MAP7: variants seen among roughly 807,000 people sequenced by gnomAD.
MAP7 encodes microtubule associated protein 7.
A neutral mutation model predicts 94.8 loss-of-function variants in MAP7; 52 were observed. That is an observed-to-expected ratio of 0.55 (90% CI 0.44 to 0.69). The LOEUF (loss-of-function observed/expected upper bound fraction) is 0.69, where lower values mean the gene tolerates loss of function less well. MAP7 is among the 30% of genes least tolerant of loss of function. The pLI is 0.00. For missense variants in MAP7, 940 were observed against 964.6 expected (o/e 0.97, Z 0.34); for synonymous variants, 350 against 357.0 (o/e 0.98, Z 0.22).
chr6:136,397,812 CT>C (rs1484825489), intron 3 of MAP7, among the ~76,000 whole-genome samples: 2 of 152,100 alleles, frequency 1.3e-5, no homozygotes, highest in Non-Finnish European at 2.9e-5. Context: ...ATGAATACAA[CT>C]CATTCAGTAT....
chr6:136,506,039 G>C (rs1821410855), intron 1 of MAP7, among the ~76,000 whole-genome samples: 1 of 152,076 alleles, frequency 6.6e-6, no homozygotes, highest in South Asian at 2.1e-4. Context: ...TTTCTTTGTT[G>C]TTTGTCAAAT....
At chr6:136,490,367 G>A (rs542133181) in intron 1 of MAP7, among the ~76,000 whole-genome samples, 33 of 152,214 alleles carry the variant, frequency 2.2e-4, no homozygotes, top group African/African-American at 7.7e-4. Flanking sequence ...TATGCCAAAC[G>A]ATGTCATTAA....
At chr6:136,415,641 G>GTT (rs1789148298) in intron 2 of MAP7, among the ~76,000 whole-genome samples, 1 of 152,174 alleles carries the variant, frequency 6.6e-6, no homozygotes, top group African/African-American at 2.4e-5. Context: ...AGAAGTGCTA[G>GTT]TTTTTCTCTG....
rs1169375146 is a variant in MAP7, at chr6:136,397,355, C to G, written c.245-7838G>C. On this transcript the variant is annotated intron_variant, in intron 3 of 17. Coordinates refer to ENST00000354570, the MANE Select transcript of MAP7 (RefSeq NM_003980.6). ...ATAAGCTAGAAGGTGTAAAATCAAG[C>G]CTATTAGGTTTAAGAATTTCAGAAT... 2.0e-5 allele frequency among the ~76,000 whole-genome samples: 3 copies of G among 151,684 alleles called. No individual in the cohort carries two copies. In the East Asian group the frequency reaches 5.8e-4, roughly 29 times the overall value.
At chr6:136,364,496 A>T (rs564317032) in intron 10 of MAP7, 39 of 244,498 alleles carry the variant, frequency 1.6e-4, no homozygotes, top group African/African-American at 8.8e-4. Flanking sequence ...AAAAAGCTGA[A>T]CTCTTAAAAA....
At chr6:136,544,380 C>A (rs1416296009) in intron 1 of MAP7, among the ~76,000 whole-genome samples, 1 of 152,202 alleles carries the variant, frequency 6.6e-6, no homozygotes, top group Non-Finnish European at 1.5e-5. Context: ...TCTGATGTAG[C>A]CCCAACTCTT....
At chr6:136,515,406 G>A (rs1422348701) in intron 1 of MAP7, among the ~76,000 whole-genome samples, 1 of 152,148 alleles carries the variant, frequency 6.6e-6, no homozygotes, top group South Asian at 2.1e-4. Context: ...CTTTTCCTCT[G>A]CATTCACATC....
chr6:136,482,272 A>G (rs1411450330), intron 1 of MAP7, among the ~76,000 whole-genome samples: 1 of 152,202 alleles, frequency 6.6e-6, no homozygotes, highest in Admixed American at 6.5e-5. Context: ...ATTATTGGGT[A>G]TATATCCAAA....
chr6:136,423,749 A>G (rs567271126), intron 1 of MAP7, among the ~76,000 whole-genome samples: 1 of 148,700 alleles, frequency 6.7e-6, no homozygotes, highest in African/African-American at 2.5e-5. Context: ...ACAAAACCTC[A>G]GTAACAATGG....
chr6:136,354,389 T>C (rs1263592355), intron 16 of MAP7, among the ~76,000 whole-genome samples: 1 of 142,016 alleles, frequency 7.0e-6, no homozygotes, highest in Non-Finnish European at 1.5e-5. Flanking sequence ...ATATATATAG[T>C]AGATATATAT....
intron 1 of MAP7, among the ~76,000 whole-genome samples, chr6:136,536,544 T>G (rs1481521102): frequency 2.0e-5 from 3 of 152,186 alleles, no homozygotes; most frequent in African/African-American, 4.8e-5. Flanking sequence ...TCCAGACACA[T>G]GCAATGTTGT....
intron 3 of MAP7, among the ~76,000 whole-genome samples, chr6:136,409,314 G>A (rs903507237): frequency 5.3e-5 from 8 of 152,062 alleles, no homozygotes; most frequent in African/African-American, 1.4e-4. Flanking sequence ...CAAGGAGGTC[G>A]AGGCTGTAGC....
intron 1 of MAP7, among the ~76,000 whole-genome samples, chr6:136,496,886 G>A (rs1818403908): frequency 6.6e-6 from 1 of 151,756 alleles, no homozygotes; most frequent in Non-Finnish European, 1.5e-5. Context: ...CCCAGGAGGT[G>A]GAGGCTGCAG....
At chr6:136,511,602 G>C (rs954128694) in intron 1 of MAP7, among the ~76,000 whole-genome samples, 1 of 152,212 alleles carries the variant, frequency 6.6e-6, no homozygotes, top group Non-Finnish European at 1.5e-5. Flanking sequence ...AGGGAATGTG[G>C]CTAGGTACAC....
intron 6 of MAP7, among the ~76,000 whole-genome samples, chr6:136,378,821 A>G (rs1467930327): frequency 6.6e-6 from 1 of 152,242 alleles, no homozygotes; most frequent in Non-Finnish European, 1.5e-5. Context: ...AAAGCTTGCA[A>G]AATTCTACAA....
chr6:136,490,978 C>T (rs746094509), intron 1 of MAP7, among the ~76,000 whole-genome samples: 5 of 152,182 alleles, frequency 3.3e-5, no homozygotes, highest in Non-Finnish European at 7.3e-5. Context: ...CTTCATGCTG[C>T]AAAGACTTTG....
At chr6:136,539,267 C>T (rs554888595) in intron 1 of MAP7, among the ~76,000 whole-genome samples, 112 of 152,106 alleles carry the variant, frequency 7.4e-4, no homozygotes, top group Non-Finnish European at 1.2e-3. Context: ...AAGGAAGACA[C>T]TGAGGAAGAG....
chr6:136,431,164 T>A (rs1267841235), intron 1 of MAP7, among the ~76,000 whole-genome samples: 2 of 152,236 alleles, frequency 1.3e-5, no homozygotes, highest in Non-Finnish European at 2.9e-5. Flanking sequence ...CATGAAATCT[T>A]TTTAAGCTAT....
In MAP7 at chr6:136,356,777, A is replaced by G; in HGVS notation, c.1930T>C (p.Cys644Arg). Residue 644 changes from cysteine (C) to arginine (R), a missense_variant, in exon 16 of 18, where the codon TGT becomes CGT. Coordinates refer to ENST00000354570, the MANE Select transcript of MAP7 (RefSeq NM_003980.6). The stretch of plus-strand genomic sequence containing the variant: ...CCATTTCCCGGAGCGTTTGTTGTAC[A>G]TGGAAGTGCAGACACCTCTGGGCAT... ...TGGTEVSALP[C>R]TTNAPGNGKP... 6.2e-7 allele frequency: 1 copy of G among 1,614,080 alleles called. No individual in the cohort carries two copies. The highest frequency in any genetic ancestry group is 8.5e-7 in the Non-Finnish European group (1 of 1,179,954).
Sources: gnomAD v4.1 joint callset for allele counts (sites outside exome capture counted in the v4.1 genomes callset) on GRCh38, gnomAD v4.1.1 for gene constraint, MANE v1.5 for transcripts, NCBI Gene and HGNC (gene_info 2026-07-23, HGNC 2026-07-21) for gene names.